The following IL1RAPL1 variants were observed in gnomAD, a reference collection of about 807,000 sequenced individuals.
IL1RAPL1 encodes the protein interleukin 1 receptor accessory protein like 1.
Under a neutral mutation model 48.4 loss-of-function variants are expected in IL1RAPL1, and 3 were observed. That is an observed-to-expected ratio of 0.06 (90% CI 0.03 to 0.16). IL1RAPL1 has a LOEUF of 0.16. Among genes scored for constraint, IL1RAPL1 ranks in the 10% least tolerant of loss-of-function variants. The pLI is 1.00. For missense variants in IL1RAPL1, 349 were observed against 530.6 expected, an observed-to-expected ratio of 0.66 and a Z score of 3.36; for synonymous variants, 185 against 187.7, an observed-to-expected ratio of 0.99 and a Z score of 0.12.
Position 29,300,599 on chromosome X carries a change from C to T in IL1RAPL1, c.362+17382C>T, listed in dbSNP as rs746783842. Among the ~76,000 whole-genome samples the T allele has an allele frequency of 2.7e-5, 3 of 112,188 alleles. No homozygotes were observed. The Admixed American group carries it at 2.8e-4, about 11-fold the overall frequency. ...AAATGAATAAGCACTGCAGATTAGT[C>T]AACCTTCTGAAAAGTTCTTAATTAA... On this transcript the variant is annotated intron_variant, in intron 3 of 10. Coordinates refer to ENST00000378993, the MANE Select transcript of IL1RAPL1 (RefSeq NM_014271.4).
At chrX:28,626,982 G>A (rs1267018531) in intron 1 of IL1RAPL1, among the ~76,000 whole-genome samples, 3 of 111,852 alleles carry the variant, frequency 2.7e-5, no homozygotes, top group African/African-American at 9.8e-5. Flanking sequence ...TGTAACTGAT[G>A]CTATACTCTC....
intron 2 of IL1RAPL1, among the ~76,000 whole-genome samples, chrX:28,867,951 C>T (rs565107920): frequency 8.9e-6 from 1 of 111,787 alleles, no homozygotes; most frequent in African/African-American, 3.2e-5. Context: ...AAATCTTACA[C>T]TTGTCAGATA....
At chrX:28,733,276 C>T (rs1935778713) in intron 1 of IL1RAPL1, among the ~76,000 whole-genome samples, 1 of 110,634 alleles carries the variant, frequency 9.0e-6, no homozygotes, top group Non-Finnish European at 1.9e-5. Flanking sequence ...ACTATTAATC[C>T]AATCCTAATT....
intron 5 of IL1RAPL1, among the ~76,000 whole-genome samples, chrX:29,521,136 G>T (rs1935498241): frequency 8.9e-6 from 1 of 112,517 alleles, no homozygotes; most frequent in African/African-American, 3.2e-5. Context: ...AGATTCATTT[G>T]AAAATATTTG....
chrX:29,352,452 C>T lies in IL1RAPL1; in HGVS notation c.363-43806C>T, dbSNP rs899522185. On this transcript the variant is annotated intron_variant, in intron 3 of 10. Coordinates refer to ENST00000378993, the MANE Select transcript of IL1RAPL1 (RefSeq NM_014271.4). The stretch of plus-strand genomic sequence containing the variant: ...TTCATAGCTTGAGGTTTTGGGGGAC[C>T]ATCCAAGTAATAAGAATTTGTGCTG... Among the ~76,000 whole-genome samples the T allele has an allele frequency of 2.7e-5, 3 of 111,250 alleles. No individual in the cohort carries two copies. In the Admixed American group the frequency reaches 2.9e-4, roughly 11 times the overall value.
At chrX:28,844,888 G>A (rs1446511436) in intron 2 of IL1RAPL1, among the ~76,000 whole-genome samples, 1 of 111,822 alleles carries the variant, frequency 8.9e-6, no homozygotes, top group African/African-American at 3.2e-5. Flanking sequence ...CTGGCATTGT[G>A]TACAGTTTGA....
chrX:29,283,917 G>A (rs949178657), intron 3 of IL1RAPL1, among the ~76,000 whole-genome samples: 1 of 112,568 alleles, frequency 8.9e-6, no homozygotes, highest in East Asian at 2.8e-4. Context: ...TAACACATTC[G>A]CAGTTAAAAA....
chrX:29,205,800 C>T (rs1602111100), intron 2 of IL1RAPL1, among the ~76,000 whole-genome samples: 3 of 109,355 alleles, frequency 2.7e-5, no homozygotes, highest in Non-Finnish European at 5.7e-5. Flanking sequence ...AGTGGTGTGA[C>T]GTCGGCTCAC....
rs764404666 is a variant in IL1RAPL1, at chrX:29,207,066, T to G, written c.83-75872T>G. ...TTATGAAGTCTTTCTTGCCTTTTTT[T>G]GTGGAGTGGGGGCAGGGGGGAGGAT... On this transcript the variant is annotated intron_variant, in intron 2 of 10. Coordinates refer to ENST00000378993, the MANE Select transcript of IL1RAPL1 (RefSeq NM_014271.4). Among the ~76,000 whole-genome samples the G allele has an allele frequency of 2.0e-4, 22 of 111,569 alleles. No individual in the cohort carries two copies. The South Asian group carries it at 7.1e-3, about 36-fold the overall frequency.
At chrX:29,945,785 CT>C (rs1933203488) in intron 9 of IL1RAPL1, among the ~76,000 whole-genome samples, 1 of 112,048 alleles carries the variant, frequency 8.9e-6, no homozygotes, top group Non-Finnish European at 1.9e-5. Context: ...TATATCAGTT[CT>C]TTATCAGAAG....
chrX:28,709,908 T>TA (rs1325234694), intron 1 of IL1RAPL1, among the ~76,000 whole-genome samples: 1 of 111,407 alleles, frequency 9.0e-6, no homozygotes, highest in African/African-American at 3.3e-5. Context: ...TGTATTGTTT[T>TA]AAAAGTGAAA....
intron 1 of IL1RAPL1, among the ~76,000 whole-genome samples, chrX:28,691,842 A>G (rs756446862): frequency 7.2e-5 from 8 of 111,736 alleles, no homozygotes; most frequent in African/African-American, 2.6e-4. Context: ...GTATTCAGAC[A>G]GTGTCTAAGT....
chrX:29,087,299 A>G (rs1427114330), intron 2 of IL1RAPL1, among the ~76,000 whole-genome samples: 4 of 109,105 alleles, frequency 3.7e-5, no homozygotes, highest in African/African-American at 1.3e-4. Context: ...CACCATACCC[A>G]GCTAATTTTT....
intron 2 of IL1RAPL1, among the ~76,000 whole-genome samples, chrX:28,809,665 TGGA>T (rs1292906198): frequency 9.0e-6 from 1 of 110,663 alleles, no homozygotes; most frequent in African/African-American, 3.3e-5. Context: ...AAGGAAATGT[TGGA>T]GAATTAGCCG....
chrX:28,893,758 G>A (rs187953507), intron 2 of IL1RAPL1, among the ~76,000 whole-genome samples: 5 of 111,700 alleles, frequency 4.5e-5, no homozygotes, highest in East Asian at 5.7e-4. Flanking sequence ...ACGGGCTAGC[G>A]GCTTGTAACC....
At chrX:28,873,647 T>A (rs1922279730) in intron 2 of IL1RAPL1, among the ~76,000 whole-genome samples, 1 of 102,725 alleles carries the variant, frequency 9.7e-6, no homozygotes, top group African/African-American at 3.6e-5. Flanking sequence ...TTCTCCTGCC[T>A]CAGCCTCCCA....
At chrX:29,811,158 T>C (rs1171738706) in intron 6 of IL1RAPL1, among the ~76,000 whole-genome samples, 2 of 110,754 alleles carry the variant, frequency 1.8e-5, no homozygotes, top group African/African-American at 6.6e-5. Flanking sequence ...TCTCCTGTTA[T>C]ATGAGGTATG....
chrX:29,326,704 A>G (rs1427077136), intron 3 of IL1RAPL1, among the ~76,000 whole-genome samples: 1 of 112,082 alleles, frequency 8.9e-6, no homozygotes, highest in African/African-American at 3.2e-5. Flanking sequence ...GTGATTTTAC[A>G]AACATTTTTT....
intron 2 of IL1RAPL1, among the ~76,000 whole-genome samples, chrX:29,095,772 C>CTTTTTTTTTT (rs5901910): frequency 1.0e-5 from 1 of 96,537 alleles, no homozygotes; most frequent in Non-Finnish European, 2.1e-5. Context: ...CTGCATTTGC[C>CTTTTTTTTTT]TTTTTTTTTT....
Sources: gnomAD v4.1 joint callset for allele counts (sites outside exome capture counted in the v4.1 genomes callset) on GRCh38, gnomAD v4.1.1 for gene constraint, MANE v1.5 for transcripts, NCBI Gene and HGNC (gene_info 2026-07-23, HGNC 2026-07-21) for gene names.